The following ELL variants were observed in gnomAD, a reference collection of about 807,000 sequenced individuals.
ELL encodes RNA polymerase II elongation factor ELL.
ELL carries 18 observed loss-of-function variants against 64.0 expected under a neutral mutation model. The ratio of observed to expected loss-of-function variants is 0.28; its 90% CI spans 0.19 to 0.42. The LOEUF is 0.42. Ranked by LOEUF, ELL falls within the 10% of genes least tolerant of loss-of-function variation. The pLI, the probability that ELL is intolerant of heterozygous loss-of-function variation, is 1.00. For missense variants in ELL, 797 were observed against 870.4 expected (o/e 0.92, Z 1.06); for synonymous variants, 399 against 376.2 (o/e 1.06, Z -0.70).
chr19:18,495,802 C>T lies in ELL; in HGVS notation c.136-22920G>A, dbSNP rs1042519570. ...TCCCACGCGCCTCAGCTTCCCAATACTGACCAAGACCTGGGCTGTAGGGGA... is the reference window on the plus strand; with the variant it reads ...TCCCACGCGCCTCAGCTTCCCAATATTGACCAAGACCTGGGCTGTAGGGGA... On this transcript the variant is annotated intron_variant, in intron 1 of 11. Coordinates refer to ENST00000262809, the MANE Select transcript of ELL (RefSeq NM_006532.4). 2.0e-5 allele frequency among the ~76,000 whole-genome samples: 3 copies of T among 152,238 alleles called. No homozygotes were observed. The South Asian group carries it at 6.2e-4, about 31-fold the overall frequency.
intron 1 of ELL, chr19:18,475,682 A>C (rs1326134154): frequency 6.6e-6 from 1 of 152,250 alleles, no homozygotes; most frequent in Non-Finnish European, 1.5e-5. Flanking sequence ...CACAGGCTGT[A>C]TGACTCCATT....
intron 1 of ELL, among the ~76,000 whole-genome samples, chr19:18,504,679 A>T (rs969728039): frequency 6.6e-6 from 1 of 152,198 alleles, no homozygotes; most frequent in Non-Finnish European, 1.5e-5. Context: ...GACTTTAAAT[A>T]AACAGAACTC....
intron 1 of ELL, among the ~76,000 whole-genome samples, chr19:18,476,879 G>A (rs1015490300): frequency 2.0e-5 from 3 of 152,128 alleles, no homozygotes; most frequent in Non-Finnish European, 2.9e-5. Context: ...TAACAGACAC[G>A]GGCACTAAGG....
chr19:18,473,992 G>C (rs1975121549), intron 1 of ELL, among the ~76,000 whole-genome samples: 2 of 152,236 alleles, frequency 1.3e-5, no homozygotes, highest in Admixed American at 6.5e-5. Context: ...CTTGAGTCTG[G>C]AGAGGCCTGT....
At chr19:18,505,309 T>C (rs1975859574) in intron 1 of ELL, among the ~76,000 whole-genome samples, 1 of 152,222 alleles carries the variant, frequency 6.6e-6, no homozygotes, top group South Asian at 2.1e-4. Flanking sequence ...AAGATAGCTT[T>C]TGCTATTCTT....
chr19:18,481,124 G>T (rs1039873228), intron 1 of ELL, among the ~76,000 whole-genome samples: 1 of 152,084 alleles, frequency 6.6e-6, no homozygotes, highest in Non-Finnish European at 1.5e-5. Context: ...CCAATTTCCT[G>T]CATCCCCACT....
chr19:18,512,650 T>C (rs1299334557), intron 1 of ELL, among the ~76,000 whole-genome samples: 5 of 152,202 alleles, frequency 3.3e-5, no homozygotes, highest in East Asian at 1.9e-4. Flanking sequence ...AGCAGAGCTA[T>C]AGGAGAAGCT....
intron 1 of ELL, among the ~76,000 whole-genome samples, chr19:18,492,194 A>G (rs1268557595): frequency 1.3e-5 from 2 of 151,808 alleles, no homozygotes; most frequent in Admixed American, 6.6e-5. Context: ...TGGCCACACC[A>G]TGGGGTTACC....
intron 1 of ELL, among the ~76,000 whole-genome samples, chr19:18,503,813 C>G (rs1448374636): frequency 6.6e-6 from 1 of 152,190 alleles, no homozygotes; most frequent in East Asian, 1.9e-4. Flanking sequence ...TTCCCTGCTG[C>G]AGGCTGGATG....
At position 18,501,978 on chromosome 19, in the gene ELL, T is replaced by C. The variant is rs1291145609; in HGVS notation, c.135+19943A>G. ...GGTCCTGGGGCCTCATGAGGGTGGT[T>C]TGGGGTCAGAAGACACACGATCAGG... is the stretch of plus-strand genomic sequence containing the variant. On this transcript the variant is annotated intron_variant, in intron 1 of 11. Coordinates refer to ENST00000262809, the MANE Select transcript of ELL (RefSeq NM_006532.4). The surrounding 1 kb of genome is among the most constrained non-coding windows in gnomAD (Gnocchi z 4.5). Among the ~76,000 whole-genome samples the C allele has an allele frequency of 6.6e-6, 1 of 151,934 alleles. No individual in the cohort carries two copies. The highest frequency in any genetic ancestry group is 2.1e-4 in the South Asian group (1 of 4,810).
At chr19:18,521,816 C>T in intron 1 of ELL, 105 bp downstream of exon 1, 1 of 1,443,952 alleles carries the variant, frequency 6.9e-7, no homozygotes, top group Non-Finnish European at 9.1e-7. Context: ...GCGAGCAGCA[C>T]CACAGACCTA....
rs1017094662 is a variant in ELL at position 18,521,946 on chromosome 19, G to A, written c.110C>T (p.Ala37Val). 1.2e-6 allele frequency: 2 copies of A among 1,607,188 alleles called. No homozygotes were observed. The highest frequency in any genetic ancestry group is 1.7e-6 in the Non-Finnish European group (2 of 1,176,956). ...HVKLTDSALR[A>V]FESYRARQDS... ...CTGTCTGGCGCGGTAGCTCTCGAAG[G>A]CCCTCAGGGCACTGTCGGTGAGCTT... is the stretch of plus-strand genomic sequence containing the variant. Residue 37 changes from alanine (A) to valine (V), a missense_variant, in exon 1 of 12, where the codon GCC becomes GTC. Transcript: ENST00000262809.
In ELL at chr19:18,465,930, G is replaced by C. The variant is rs1974926712; in HGVS notation, c.184-12C>G. ...GGGATGGAGATGTGCTGCGTGGAGGGGGAGGGGGTGTCACTGGGAGGTCCT... is the reference window on the plus strand; with the variant it reads ...GGGATGGAGATGTGCTGCGTGGAGGCGGAGGGGGTGTCACTGGGAGGTCCT... On this transcript the variant is annotated splice_polypyrimidine_tract_variant and intron_variant, in intron 2 of 11. Coordinates refer to ENST00000262809, the MANE Select transcript of ELL (RefSeq NM_006532.4). The C allele has an allele frequency of 7.7e-7, 1 of 1,297,084 alleles. No homozygotes were observed. Among genetic ancestry groups the C allele is most frequent in the Non-Finnish European group, 9.8e-7 (1 of 1,015,804 alleles). 80.3% of individuals were successfully genotyped at this position (1,297,084 alleles called of 1,614,324 possible).
At chr19:18,472,650 C>T in intron 2 of ELL, 185 bp downstream of exon 2, 3 of 665,988 alleles carry the variant, frequency 4.5e-6, no homozygotes, top group Non-Finnish European at 7.5e-6. Flanking sequence ...GTGACGTGCA[C>T]CCGACACGTC....
rs368978110 is a variant in ELL, at chr19:18,458,363, A to C, written c.745-34T>G. ...CAGAGCCAGCCATCACTTTGTGGGA[A>C]TCCTGAGAGAGACGGGGGACTAGAG... On this transcript the variant is annotated intron_variant, in intron 5 of 11. Transcript: ENST00000262809. 3.1e-6 allele frequency: 5 copies of C among 1,597,178 alleles called. No homozygotes were observed. The African/African-American group carries it at 6.7e-5, about 21-fold the overall frequency.
intron 2 of ELL, among the ~76,000 whole-genome samples, chr19:18,466,782 C>T (rs535370566): frequency 9.2e-5 from 14 of 152,338 alleles, no homozygotes; most frequent in East Asian, 3.8e-4. Context: ...ACATGAAGGG[C>T]GCTCAAATAG....
At position 18,494,400 on chromosome 19, in the gene ELL, G is replaced by GT. The variant is rs57202732; in HGVS notation, c.136-21519dup. On this transcript the variant is annotated intron_variant, in intron 1 of 11. Transcript: ENST00000262809. Reference sequence around the variant, plus strand: ...AAGTTAGTTTCTTTTTTGTTTTTTTGTTTTTTTTTTTGAGACGGAGTCTTG... The same window carrying GT: ...AAGTTAGTTTCTTTTTTGTTTTTTTGTTTTTTTTTTTTGAGACGGAGTCTTG... Among the ~76,000 whole-genome samples the GT allele has an allele frequency of 6.7e-3, 983 of 145,994 alleles. 2 individuals carry two copies. The highest frequency in any genetic ancestry group is 0.012 in the African/African-American group (467 of 40,052).
chr19:18,508,925 C>T (rs148371281), intron 1 of ELL, among the ~76,000 whole-genome samples: 1 of 152,250 alleles, frequency 6.6e-6, no homozygotes, highest in Non-Finnish European at 1.5e-5. Context: ...CCACTCTGTC[C>T]GCGTCCTAAC....
chr19:18,491,453 G>A (rs1348214021), intron 1 of ELL, among the ~76,000 whole-genome samples: 3 of 151,812 alleles, frequency 2.0e-5, no homozygotes, highest in South Asian at 2.1e-4. Flanking sequence ...ACCCTCCAAC[G>A]TATGGGTGGG....
Sources: allele counts gnomAD v4.1 joint callset (sites outside exome capture counted in the v4.1 genomes callset), GRCh38; gene constraint gnomAD v4.1.1; non-coding constraint Gnocchi (gnomAD v3.1); transcripts MANE v1.5; gene names NCBI Gene and HGNC (gene_info 2026-07-23, HGNC 2026-07-21).